Variants in C1QTNF6 observed in about 807,000 individuals in gnomAD.
C1QTNF6 encodes complement C1q tumor necrosis factor-related protein 6.
Under a neutral mutation model 20.7 loss-of-function variants are expected in C1QTNF6, and 17 were observed. The ratio of observed to expected loss-of-function variants is 0.82; its 90% CI spans 0.56 to 1.23. C1QTNF6 has a LOEUF of 1.23. C1QTNF6 is among the 50% of genes most tolerant of loss of function. The pLI, the probability that C1QTNF6 is intolerant of heterozygous loss-of-function variation, is 0.00. For missense variants in C1QTNF6, 329 were observed against 389.7 expected, an observed-to-expected ratio of 0.84 and a Z score of 1.31; for synonymous variants, 130 against 156.3, an observed-to-expected ratio of 0.83 and a Z score of 1.25.
At chr22:37,185,506 T>C (rs904704167) in intron 1 of C1QTNF6, 51 bp from the exon 2 acceptor site, 17 of 1,503,398 alleles carry the variant, frequency 1.1e-5, no homozygotes, top group Non-Finnish European at 1.3e-5. Flanking sequence ...ACATCTACTA[T>C]GTGCCGATGC....
At chr22:37,190,472 G>T (rs1188986255), upstream of C1QTNF6, 1 of 152,142 alleles carries the variant, frequency 6.6e-6, no homozygotes, top group Non-Finnish European at 1.5e-5. Flanking sequence ...GGGCTCCCAG[G>T]CCTGTCAGAA....
chr22:37,185,520 G>A lies in C1QTNF6; in HGVS notation c.52-65C>T, dbSNP rs531628087. ...AACATCTACTATGTGCCGATGCCTGGGGTGGGCGGGTGCTGCGTCCTCCAG... is the reference window on the plus strand; with the variant it reads ...AACATCTACTATGTGCCGATGCCTGAGGTGGGCGGGTGCTGCGTCCTCCAG... On this transcript the variant is annotated intron_variant, in intron 1 of 2. Transcript: ENST00000337843. 158 of 1,468,786 alleles carry A rather than the reference G, an allele frequency of 1.1e-4. No homozygotes were observed. The African/African-American group carries it at 1.9e-3, about 18-fold the overall frequency. 91.0% of individuals were successfully genotyped at this position (1,468,786 alleles called of 1,614,324 possible).
rs1195288679 is a variant in C1QTNF6, at chr22:37,180,795, G to T, written c.*1393C>A. ...GTGGAAGGGACTGAGCAAGGCCCTG[G>T]CAGAGCCCTGGGAGGAGGCAGGAAG... On this transcript the variant is annotated 3_prime_UTR_variant, in exon 3 of 3. Coordinates refer to ENST00000337843, the MANE Select transcript of C1QTNF6 (RefSeq NM_031910.4). 4 of 153,490 alleles carry T rather than the reference G, an allele frequency of 2.6e-5. No individual in the cohort carries two copies. The East Asian group carries it at 7.7e-4, about 29-fold the overall frequency. The allele number at this position is 153,490 out of a possible 1,614,324, so 9.5% of individuals were successfully genotyped here.
intron 2 of C1QTNF6, among the ~76,000 whole-genome samples, chr22:37,193,570 T>C (rs1406279545): frequency 1.3e-5 from 2 of 152,234 alleles, no homozygotes; most frequent in Non-Finnish European, 2.9e-5. Context: ...TATCCATTTT[T>C]AATTAAGCTG....
At chr22:37,182,805 T>A (rs750743205) in intron 2 of C1QTNF6, 70 bp from the exon 3 acceptor site, 78 of 1,482,856 alleles carry the variant, frequency 5.3e-5, no homozygotes, top group Non-Finnish European at 8.1e-6. Context: ...CCCACACTCA[T>A]CTGTGACGGC....
chr22:37,182,933 A>C, intron 2 of C1QTNF6, 198 bp from the exon 3 acceptor site: 1 of 1,428,670 alleles, frequency 7.0e-7, no homozygotes, highest in Non-Finnish European at 9.1e-7. Flanking sequence ...TTCACTTCAC[A>C]GAGAGGGTGA....
upstream of C1QTNF6, among the ~76,000 whole-genome samples, chr22:37,198,607 C>T (rs188835238): frequency 7.2e-5 from 11 of 152,280 alleles, no homozygotes; most frequent in African/African-American, 2.2e-4. Flanking sequence ...GCGCAGAGAT[C>T]AATTTCAACA....
In C1QTNF6 at chr22:37,182,030, A is replaced by G. The variant is rs1923806842; in HGVS notation, c.*158T>C. On this transcript the variant is annotated 3_prime_UTR_variant, in exon 3 of 3. Coordinates refer to ENST00000337843, the MANE Select transcript of C1QTNF6 (RefSeq NM_031910.4). Reference sequence around the variant, plus strand: ...AAGAGAGGAGCAGAAATAGGCTGGGAGGGATGATGGCAGCCAAGATAGAAG... The same window carrying G: ...AAGAGAGGAGCAGAAATAGGCTGGGGGGGATGATGGCAGCCAAGATAGAAG... The G allele has an allele frequency of 1.4e-6, 1 of 732,588 alleles. No homozygotes were observed. The highest frequency in any genetic ancestry group is 1.9e-5 in the South Asian group (1 of 52,542). The allele number at this position is 732,588 out of a possible 1,614,324, so 45.4% of individuals were successfully genotyped here. A position where few individuals can be genotyped will look rare whatever the true frequency, so the allele number is the denominator to read the frequency against.
upstream of C1QTNF6, chr22:37,188,358 T>G: frequency 1.2e-5 from 8 of 656,328 alleles, no homozygotes; most frequent in East Asian, 3.4e-5. Context: ...CGCTTCCCAC[T>G]TCCCCTCCTC....
chr22:37,193,623 C>G (rs543340222), intron 2 of C1QTNF6, among the ~76,000 whole-genome samples: 1 of 152,320 alleles, frequency 6.6e-6, no homozygotes, highest in South Asian at 2.1e-4. Flanking sequence ...CCGGGACAAA[C>G]AGCCAATATT....
intron 1 of C1QTNF6, among the ~76,000 whole-genome samples, chr22:37,187,663 G>A (rs535379056): frequency 6.8e-6 from 1 of 147,994 alleles, no homozygotes; most frequent in East Asian, 2.1e-4. Context: ...GGCATGGTTT[G>A]GGAGCATTTC....
chr22:37,188,059 G>C, intron 1 of C1QTNF6, 104 bp downstream of exon 1: 1 of 1,235,878 alleles, frequency 8.1e-7, no homozygotes, highest in Non-Finnish European at 1.1e-6. Context: ...CCCAGTCAGA[G>C]GGAGAGAGCA....
At chr22:37,190,005 T>C (rs976422534), upstream of C1QTNF6, among the ~76,000 whole-genome samples, 5 of 152,200 alleles carry the variant, frequency 3.3e-5, no homozygotes, top group African/African-American at 1.2e-4. Flanking sequence ...TAGATACTGA[T>C]CCAGATTTTT....
In C1QTNF6 at chr22:37,185,449, T is replaced by C; in HGVS notation, c.58A>G (p.Met20Val). ...ACGGGACCCAGGGCGGCTGTCCCCA[T>C]GGTGACCTGGAACAAGGAAGGAGGG... is the stretch of plus-strand genomic sequence containing the variant. ...PGEATGHRVT[M>V]GTAALGPVWA... The change falls in exon 2 of 3, where the codon ATG becomes GTG. Residue 20 changes from methionine (M) to valine (V), a missense_variant. Met to Val is a conservative substitution (Grantham distance 21, BLOSUM62 1). Transcript: ENST00000337843. 2.5e-6 allele frequency: 4 copies of C among 1,599,020 alleles called. No homozygotes were observed. The highest frequency in any genetic ancestry group is 1.7e-6 in the Non-Finnish European group (2 of 1,171,348).
upstream of C1QTNF6, among the ~76,000 whole-genome samples, chr22:37,191,272 AATT>A (rs767469484): frequency 6.6e-6 from 1 of 152,192 alleles, no homozygotes; most frequent in Non-Finnish European, 1.5e-5. Context: ...ACATCATAAC[AATT>A]ATAATTATTA....
At chr22:37,187,530 G>A (rs1462151579) in intron 1 of C1QTNF6, among the ~76,000 whole-genome samples, 2 of 138,192 alleles carry the variant, frequency 1.4e-5, no homozygotes, top group Non-Finnish European at 3.1e-5. Flanking sequence ...AGGTAATTTG[G>A]AAGGATTTCA....
chr22:37,182,201 G>A lies in C1QTNF6; in HGVS notation c.824C>T (p.Ala275Val), dbSNP rs1923827149. The change falls in exon 3 of 3, where the codon GCC becomes GTC. Residue 275 changes from alanine (A) to valine (V), a missense_variant. By Grantham distance (64) the Ala-to-Val change is moderately conservative. Coordinates refer to ENST00000337843, the MANE Select transcript of C1QTNF6 (RefSeq NM_031910.4). ...YITFSGHLIK[A>V]EDD ...GCCCAGAGGCCCTCAGTCGTCCTCGGCCTTGATGAGGTGGCCGCTGAAGGT... is the reference window on the plus strand; with the variant it reads ...GCCCAGAGGCCCTCAGTCGTCCTCGACCTTGATGAGGTGGCCGCTGAAGGT... The A allele has an allele frequency of 6.2e-7, 1 of 1,612,124 alleles. No homozygotes were observed. The highest frequency in any genetic ancestry group is 2.2e-5 in the East Asian group (1 of 44,852).
upstream of C1QTNF6, among the ~76,000 whole-genome samples, chr22:37,191,448 A>G (rs913942693): frequency 2.0e-5 from 3 of 152,314 alleles, no homozygotes; most frequent in East Asian, 5.8e-4. Context: ...TAATGTACCA[A>G]ATAAGCCAAA....
At chr22:37,186,210 G>C (rs1924324799) in intron 1 of C1QTNF6, among the ~76,000 whole-genome samples, 1 of 152,194 alleles carries the variant, frequency 6.6e-6, no homozygotes, top group Non-Finnish European at 1.5e-5. Flanking sequence ...TCTTTAGAGT[G>C]CCTTTGTGCA....
Sources: gnomAD v4.1 joint callset for allele counts (sites outside exome capture counted in the v4.1 genomes callset) on GRCh38, gnomAD v4.1.1 for gene constraint, MANE v1.5 for transcripts, NCBI Gene and HGNC (gene_info 2026-07-23, HGNC 2026-07-21) for gene names.